NAALAD2: variants seen among roughly 807,000 people sequenced by gnomAD.
The protein encoded by NAALAD2 is N-acetylated alpha-linked acidic dipeptidase 2.
Under a neutral mutation model 95.6 loss-of-function variants are expected in NAALAD2, and 89 were observed. The ratio of observed to expected loss-of-function variants is 0.93; its 90% CI spans 0.78 to 1.11. NAALAD2 has a LOEUF of 1.11. NAALAD2 is among the 50% of genes least tolerant of loss of function. The probability of loss-of-function intolerance (pLI) is 0.00; values close to 1 mark genes in which losing one functional copy is unlikely to be tolerated. For synonymous variants in NAALAD2, 264 were observed against 294.4 expected, an observed-to-expected ratio of 0.90 and a Z score of 1.06; for missense variants, 894 against 872.4, an observed-to-expected ratio of 1.02 and a Z score of -0.31.
chr11:90,171,595 C>G (rs1952637823), intron 13 of NAALAD2, among the ~76,000 whole-genome samples: 1 of 152,204 alleles, frequency 6.6e-6, no homozygotes, highest in African/African-American at 2.4e-5. Flanking sequence ...AAGTTGACAT[C>G]TGTGCCTCTT....
At chr11:90,133,829 CT>C (rs34638303), upstream of NAALAD2, among the ~76,000 whole-genome samples, 66,689 of 149,562 alleles carry the variant, frequency 0.45, 15,462 homozygotes, top group African/African-American at 0.59. Flanking sequence ...GAAAGAAACT[CT>C]TTTTTTTTTT....
chr11:90,177,771 A>T (rs1591019377), intron 15 of NAALAD2, 82 bp from the exon 16 acceptor site: 1 of 1,333,858 alleles, frequency 7.5e-7, no homozygotes, highest in Admixed American at 2.3e-5. Flanking sequence ...TTTTTTCTAT[A>T]GTTATTTTTA....
intron 17 of NAALAD2, 44 bp downstream of exon 17, chr11:90,181,745 A>T: frequency 8.3e-7 from 1 of 1,200,910 alleles, no homozygotes; most frequent in Non-Finnish European, 1.2e-6. Context: ...AAAAAAAAGC[A>T]ATCTGGTTAC....
chr11:90,146,397 C>T (rs547559706), intron 2 of NAALAD2, among the ~76,000 whole-genome samples: 17 of 105,690 alleles, frequency 1.6e-4, no homozygotes, highest in African/African-American at 5.8e-4. Context: ...CTCACTCTGT[C>T]ACCCAGGCTG....
rs1318614443 is a variant in NAALAD2, at chr11:90,175,962, C to T, written c.1503-10C>T. ...TGTGTGTGTGTGTGTGGATTGCATT[C>T]TACATCTAGAATCAATAAGCTGGGA... On this transcript the variant is annotated splice_polypyrimidine_tract_variant and intron_variant, in intron 14 of 18. Coordinates refer to ENST00000534061, the MANE Select transcript of NAALAD2 (RefSeq NM_005467.4). 1 of 1,444,796 alleles carries T rather than the reference C, an allele frequency of 6.9e-7. No homozygotes were observed. Among genetic ancestry groups the T allele is most frequent in the Admixed American group, 1.8e-5 (1 of 56,650 alleles). The allele number at this position is 1,444,796 out of a possible 1,614,324, so 89.5% of individuals were successfully genotyped here.
rs117789229 is a variant in NAALAD2, at chr11:90,135,604, A to G, written c.128A>G (p.Tyr43Cys). ...AAAGAAACGACCACTTCTGTGCGCT[A>G]TCATCAAAGTATACGGTGGAAACTG... ...PLKETTTSVR[Y>C]HQSIRWKLVS... Residue 43 changes from tyrosine (Y) to cysteine (C), a missense_variant, in exon 2 of 19, where the codon TAT (tyrosine) becomes TGT (cysteine). By Grantham distance (194) the Tyr-to-Cys change is radical (BLOSUM62 -2). Coordinates refer to ENST00000534061, the MANE Select transcript of NAALAD2 (RefSeq NM_005467.4). The G allele has an allele frequency of 1.9e-5, 31 of 1,613,556 alleles. No individual in the cohort carries two copies. The highest frequency in any genetic ancestry group is 4.5e-5 in the East Asian group (2 of 44,840).
chr11:90,183,906 T>A (rs143833083), intron 18 of NAALAD2, among the ~76,000 whole-genome samples: 1 of 152,326 alleles, frequency 6.6e-6, no homozygotes, highest in African/African-American at 2.4e-5. Flanking sequence ...TCACGAAGCC[T>A]CTGTATCCTA....
rs57694347 is a variant in NAALAD2, at chr11:90,177,586, G to GTT, written c.1594-230_1594-229dup. Among the ~76,000 whole-genome samples, 16 of 28,462 alleles carry GTT rather than the reference G, an allele frequency of 5.6e-4. 2 individuals carry two copies. Among genetic ancestry groups the GTT allele is most frequent in the African/African-American group, 8.3e-4 (6 of 7,250 alleles). The allele number at this position is 28,462 out of a possible 152,430, so 18.7% of individuals were successfully genotyped here. A position where few individuals can be genotyped will look rare whatever the true frequency, so the allele number is the denominator to read the frequency against. On this transcript the variant is annotated intron_variant, in intron 15 of 18. Coordinates refer to ENST00000534061, the MANE Select transcript of NAALAD2 (RefSeq NM_005467.4). ...TATGGTTGTATTTTTTCTTTTTCTT[G>GTT]TTTTTTTTTTTTTTTTTTTTTTTTT... is the stretch of plus-strand genomic sequence containing the variant.
At chr11:90,181,088 A>T (rs542512154) in intron 16 of NAALAD2, among the ~76,000 whole-genome samples, 1 of 152,240 alleles carries the variant, frequency 6.6e-6, no homozygotes, top group East Asian at 1.9e-4. Context: ...CTGAGAACCT[A>T]ATCACTTTCC....
At chr11:90,132,664 C>T (rs538016893), upstream of NAALAD2, among the ~76,000 whole-genome samples, 23 of 152,252 alleles carry the variant, frequency 1.5e-4, no homozygotes, top group African/African-American at 5.5e-4. Flanking sequence ...AAAAATAATT[C>T]TGAGTGCTCT....
chr11:90,189,380 T>A (rs972850634), intron 18 of NAALAD2, among the ~76,000 whole-genome samples: 7 of 152,202 alleles, frequency 4.6e-5, no homozygotes, highest in African/African-American at 1.7e-4. Context: ...TAATGGAATC[T>A]AAAAAGGATT....
intron 11 of NAALAD2, among the ~76,000 whole-genome samples, chr11:90,168,200 G>A (rs1286684044): frequency 6.6e-6 from 1 of 152,150 alleles, no homozygotes; most frequent in African/African-American, 2.4e-5. Flanking sequence ...CTTCACTTCT[G>A]AGCCAGCGAG....
intron 18 of NAALAD2, among the ~76,000 whole-genome samples, chr11:90,185,670 T>G (rs1340131702): frequency 6.6e-6 from 1 of 152,160 alleles, no homozygotes; most frequent in Non-Finnish European, 1.5e-5. Flanking sequence ...TTTTTTCATT[T>G]TTTTAGATAA....
intron 7 of NAALAD2, chr11:90,158,440 G>T (rs76586714): frequency 1.0e-5 from 5 of 477,302 alleles, no homozygotes; most frequent in East Asian, 3.9e-5. Flanking sequence ...ATAAAATATC[G>T]CTCTGTTCGC....
intron 1 of NAALAD2, 48 bp downstream of exon 1, chr11:90,134,888 T>C (rs1377422472): frequency 6.3e-7 from 1 of 1,595,918 alleles, no homozygotes; most frequent in Admixed American, 1.7e-5. Context: ...CGTGATTCTC[T>C]GCAGAGATAA....
intron 18 of NAALAD2, among the ~76,000 whole-genome samples, chr11:90,188,471 C>G (rs1390073848): frequency 6.6e-6 from 1 of 152,124 alleles, no homozygotes; most frequent in African/African-American, 2.4e-5. Flanking sequence ...TTATTCCTCA[C>G]AGTTCTAGGG....
At chr11:90,190,424 T>C (rs1247386275) in intron 18 of NAALAD2, among the ~76,000 whole-genome samples, 1 of 152,222 alleles carries the variant, frequency 6.6e-6, no homozygotes, top group Non-Finnish European at 1.5e-5. Context: ...TTTACAAATC[T>C]GGGACAAATT....
chr11:90,149,184 C>G (rs1951826335), intron 4 of NAALAD2, 77 bp downstream of exon 4: 4 of 801,034 alleles, frequency 5.0e-6, no homozygotes, highest in Non-Finnish European at 7.8e-6. Context: ...AGGACTAAAA[C>G]CAAGGAAATT....
At chr11:90,134,371 G>A (rs1951403270), upstream of NAALAD2, among the ~76,000 whole-genome samples, 1 of 152,152 alleles carries the variant, frequency 6.6e-6, no homozygotes, top group Admixed American at 6.5e-5. Flanking sequence ...AATAGATCAG[G>A]AAAAGCAATA....
Sources: gnomAD v4.1 joint callset for allele counts (sites outside exome capture counted in the v4.1 genomes callset) on GRCh38, gnomAD v4.1.1 for gene constraint, MANE v1.5 for transcripts, NCBI Gene and HGNC (gene_info 2026-07-23, HGNC 2026-07-21) for gene names.